Variants in ZNF541 observed in about 807,000 individuals in gnomAD.
The protein encoded by ZNF541 is zinc finger protein 541.
Under a neutral mutation model 123.5 loss-of-function variants are expected in ZNF541, and 23 were observed. The observed-to-expected ratio is 0.19, with a 90% CI of 0.13 to 0.26. ZNF541 has a LOEUF of 0.26. ZNF541 is among the 10% of genes least tolerant of loss of function. The pLI is 1.00. For synonymous variants in ZNF541, 751 were observed against 754.5 expected (o/e 1.00, Z 0.08); for missense variants, 1,612 against 1,789.9 (o/e 0.90, Z 1.79).
rs1364848538 is a variant in ZNF541, at chr19:47,544,296, G to C, written c.2233C>G (p.Leu745Val). Reference sequence around the variant, plus strand: ...CGCGGGGCCCTGGGGTTGCCCAAGAGCCGGTAGCCTCCACCCCGGGAGCAG... The same window carrying C: ...CGCGGGGCCCTGGGGTTGCCCAAGACCCGGTAGCCTCCACCCCGGGAGCAG... ...PACSRGGGYR[L>V]LGNPRAPRFS... Residue 745 changes from leucine (L) to valine (V), a missense_variant, in exon 5 of 17, where the codon CTC becomes GTC. Coordinates refer to ENST00000391901, the MANE Select transcript of ZNF541 (RefSeq NM_001277075.3). 6.4e-7 allele frequency: 1 copy of C among 1,551,618 alleles called. No homozygotes were observed. Among genetic ancestry groups the C allele is most frequent in the Non-Finnish European group, 8.7e-7 (1 of 1,147,008 alleles).
intron 6 of ZNF541, 43 bp downstream of exon 6, chr19:47,540,850 C>T: frequency 6.5e-7 from 1 of 1,542,852 alleles, no homozygotes; most frequent in Non-Finnish European, 8.8e-7. Context: ...GGCCAGAGGA[C>T]TCCTGCCAGG....
rs1970338752 is a variant in ZNF541, at chr19:47,545,940, CGAA to C, written c.586_588del (p.Phe196del). On this transcript the variant is annotated inframe_deletion, in exon 5 of 17. Transcript: ENST00000391901. This position sits in a 1 kb window ranked among gnomAD's most constrained non-coding sequence, Gnocchi z 7.5. ...TTGCTGCAGCCCTGCTCGATGCACACGAAGGGCTTTGTCTTCTGGTGGGTGAGC... is the reference window on the plus strand; with the variant it reads ...TTGCTGCAGCCCTGCTCGATGCACACGGGCTTTGTCTTCTGGTGGGTGAGC... The C allele has an allele frequency of 6.6e-7, 1 of 1,511,526 alleles. No homozygotes were observed. The highest frequency in any genetic ancestry group is 8.9e-7 in the Non-Finnish European group (1 of 1,124,232). The allele number at this position is 1,511,526 out of a possible 1,614,324, so 93.6% of individuals were successfully genotyped here. A position where few individuals can be genotyped will look rare whatever the true frequency, so the allele number is the denominator to read the frequency against.
intron 12 of ZNF541, among the ~76,000 whole-genome samples, 169 bp from the exon 13 acceptor site, chr19:47,529,821 G>A (rs554006105): frequency 4.1e-4 from 62 of 152,276 alleles, no homozygotes; most frequent in African/African-American, 1.3e-3. Context: ...CTGTCTGTGC[G>A]TGCATCAACC....
intron 14 of ZNF541, among the ~76,000 whole-genome samples, chr19:47,526,368 G>C (rs1969294703): frequency 6.6e-6 from 1 of 151,568 alleles, no homozygotes; most frequent in Non-Finnish European, 1.5e-5. Context: ...TGTAATCCCA[G>C]CTACTCAGGA....
intron 14 of ZNF541, among the ~76,000 whole-genome samples, chr19:47,525,241 C>G (rs1343903270): frequency 1.3e-5 from 2 of 150,974 alleles, no homozygotes; most frequent in African/African-American, 4.9e-5. Flanking sequence ...GTGAAGAGCG[C>G]GCCACTGCAC....
chr19:47,533,568 TG>T (rs1648305623), intron 9 of ZNF541, among the ~76,000 whole-genome samples: 2 of 148,338 alleles, frequency 1.3e-5, no homozygotes, highest in Admixed American at 1.4e-4. Context: ...CTAGGCCGGG[TG>T]GGGTGGCTCA....
At chr19:47,522,878 C>G (rs1434404047) in intron 14 of ZNF541, among the ~76,000 whole-genome samples, 1 of 151,502 alleles carries the variant, frequency 6.6e-6, no homozygotes, top group Non-Finnish European at 1.5e-5. Context: ...TCCTGAGTAG[C>G]TGGGATTATA....
At chr19:47,554,800 C>T (rs1181521902) in intron 3 of ZNF541, among the ~76,000 whole-genome samples, 4 of 152,120 alleles carry the variant, frequency 2.6e-5, no homozygotes, top group Admixed American at 2.6e-4. Context: ...GTTTCCTTTA[C>T]TAAGAATTGG....
At position 47,544,675 on chromosome 19, in the gene ZNF541, G is replaced by C. The variant is rs745870907; in HGVS notation, c.1854C>G (p.Pro618=). The change falls in exon 5 of 17, where the codon CCC becomes CCG. Residue 618 remains proline, a synonymous_variant. Transcript: ENST00000391901. ...VDSLHAGPGN[P]EAEGSPARRR... is the part of the protein sequence containing the mutation. ...TGCGGGCTGGGGAGCCCTCTGCCTC[G>C]GGGTTTCCAGGGCCGGCGTGGAGAG... is the stretch of plus-strand genomic sequence containing the variant. The C allele has an allele frequency of 5.2e-6, 8 of 1,531,166 alleles. No individual in the cohort carries two copies. Among genetic ancestry groups the C allele is most frequent in the Non-Finnish European group, 5.3e-6 (6 of 1,139,908 alleles). The allele number at this position is 1,531,166 out of a possible 1,614,324, so 94.8% of individuals were successfully genotyped here.
intron 2 of ZNF541, among the ~76,000 whole-genome samples, chr19:47,564,031 C>A (rs1971168794): frequency 6.6e-6 from 1 of 152,178 alleles, no homozygotes; most frequent in East Asian, 1.9e-4. Flanking sequence ...ATAAGAGAGA[C>A]TAATTTGTCC....
intron 13 of ZNF541, 116 bp from the exon 14 acceptor site, chr19:47,529,154 C>T: frequency 1.3e-6 from 1 of 763,622 alleles, no homozygotes; most frequent in Admixed American, 2.7e-5. Context: ...CAATTATGTG[C>T]CAATCTCATA....
At position 47,564,790 on chromosome 19, in the gene ZNF541, C is replaced by T. The variant is rs2914012; in HGVS notation, c.-99+7106G>A. On this transcript the variant is annotated intron_variant, in intron 2 of 16. Coordinates refer to ENST00000391901, the MANE Select transcript of ZNF541 (RefSeq NM_001277075.3). ...CAAAAAGTGGAACTACCATTTGATC[C>T]AGCAATCTCACTCCTGGGTATCTAC... is the stretch of plus-strand genomic sequence containing the variant. Among the ~76,000 whole-genome samples, 4 of 152,302 alleles carry T rather than the reference C, an allele frequency of 2.6e-5. No individual in the cohort carries two copies. The East Asian group carries it at 5.8e-4, about 22-fold the overall frequency.
intron 3 of ZNF541, among the ~76,000 whole-genome samples, chr19:47,555,154 G>A (rs1256718249): frequency 1.3e-5 from 2 of 151,416 alleles, no homozygotes; most frequent in Admixed American, 1.3e-4. Context: ...CGGATCATGA[G>A]GTCAGGAGAT....
intron 2 of ZNF541, among the ~76,000 whole-genome samples, chr19:47,562,606 G>A (rs1163798786): frequency 1.3e-5 from 2 of 152,018 alleles, no homozygotes; most frequent in Non-Finnish European, 1.5e-5. Flanking sequence ...TCCAGTTTTC[G>A]AATCATGGAA....
Position 47,521,598 on chromosome 19 carries a change from G to A in ZNF541, c.3768C>T (p.Thr1256=), listed in dbSNP as rs1310105614. 1 of 1,551,690 alleles carries A rather than the reference G, an allele frequency of 6.4e-7. No individual in the cohort carries two copies. Among genetic ancestry groups the A allele is most frequent in the African/African-American group, 1.4e-5 (1 of 73,134 alleles). ...PSHHPTPKLK[T]KSYRRESILS... Reference sequence around the variant, plus strand: ...GGATGGACTCCCTCCTATAACTCTTGGTCTTTAACTTGGGAGTTGGATGGT... The same window carrying A: ...GGATGGACTCCCTCCTATAACTCTTAGTCTTTAACTTGGGAGTTGGATGGT... The change falls in exon 16 of 17, where the codon ACC becomes ACT. Residue 1256 remains threonine (T), a synonymous_variant. Coordinates refer to ENST00000391901, the MANE Select transcript of ZNF541 (RefSeq NM_001277075.3). The surrounding 1 kb of genome is among the most constrained non-coding windows in gnomAD (Gnocchi z 4.2).
At position 47,549,289 on chromosome 19, in the gene ZNF541, G is replaced by A. The variant is rs1243637221; in HGVS notation, c.504C>T (p.His168=). 5.8e-6 allele frequency: 9 copies of A among 1,551,940 alleles called. No homozygotes were observed. Among genetic ancestry groups the A allele is most frequent in the African/African-American group, 2.7e-5 (2 of 73,134 alleles). The change falls in exon 4 of 17, where the codon CAC becomes CAT. Residue 168 remains histidine (H), a synonymous_variant. Transcript: ENST00000391901. ...AGGCCTTGCTGCAGATTTTGCAGAC[G>A]TGCTTCCTTTCCTGGCTGTGTGTCA... ...HYLTHSQERK[H]VCKICSKAFK... is the part of the protein sequence containing the mutation.
chr19:47,521,066 C>T lies in ZNF541; in HGVS notation c.*158G>A. ...CTGTCCGACAACTGAGCTCCTCCTGCCTATCTGTGGCCAAATGCCCTCCAT... is the reference window on the plus strand; with the variant it reads ...CTGTCCGACAACTGAGCTCCTCCTGTCTATCTGTGGCCAAATGCCCTCCAT... On this transcript the variant is annotated 3_prime_UTR_variant, in exon 17 of 17. Coordinates refer to ENST00000391901, the MANE Select transcript of ZNF541 (RefSeq NM_001277075.3). The surrounding 1 kb of genome is among the most constrained non-coding windows in gnomAD (Gnocchi z 4.2). 1 of 876,046 alleles carries T rather than the reference C, an allele frequency of 1.1e-6. No individual in the cohort carries two copies. Among genetic ancestry groups the T allele is most frequent in the Non-Finnish European group, 1.7e-6 (1 of 585,866 alleles). 54.3% of individuals were successfully genotyped at this position (876,046 alleles called of 1,614,324 possible). A position where few individuals can be genotyped will look rare whatever the true frequency, so the allele number is the denominator to read the frequency against.
At chr19:47,552,448 A>G (rs1970637519) in intron 3 of ZNF541, among the ~76,000 whole-genome samples, 1 of 152,142 alleles carries the variant, frequency 6.6e-6, no homozygotes, top group South Asian at 2.1e-4. Flanking sequence ...GAGTAGTCAA[A>G]TAACTCCAAC....
At position 47,573,095 on chromosome 19, in the gene ZNF541, G is replaced by GCTCGCGCGCCGGGCCTCGCGCCTGGCGC. The variant is rs1304701445; in HGVS notation, c.-286_-259dup. ...AACCGGGTTTTACCCGCCCCCGGGG[G>GCTCGCGCGCCGGGCCTCGCGCCTGGCGC]CTCGCGCGCCGGGCCTCGCGCCTGG... On this transcript the variant is annotated 5_prime_UTR_variant, in exon 1 of 17. Coordinates refer to ENST00000391901, the MANE Select transcript of ZNF541 (RefSeq NM_001277075.3). 7.7e-4 allele frequency among the ~76,000 whole-genome samples: 116 copies of GCTCGCGCGCCGGGCCTCGCGCCTGGCGC among 150,394 alleles called. No individual in the cohort carries two copies. The highest frequency in any genetic ancestry group is 2.7e-3 in the African/African-American group (111 of 41,326).
Sources: gnomAD v4.1 joint callset for allele counts (sites outside exome capture counted in the v4.1 genomes callset) on GRCh38, gnomAD v4.1.1 for gene constraint, Gnocchi (gnomAD v3.1) non-coding constraint, MANE v1.5 for transcripts, NCBI Gene and HGNC (gene_info 2026-07-23, HGNC 2026-07-21) for gene names.